Variants in PCDHA1 observed in about 807,000 individuals in gnomAD.
PCDHA1 encodes the protein protocadherin alpha 1, also known as protocadherin alpha-1.
A neutral mutation model predicts 61.3 loss-of-function variants in PCDHA1; 42 were observed. The observed-to-expected ratio is 0.69, with a 90% CI of 0.54 to 0.89. The LOEUF is 0.89. Ranked by LOEUF, PCDHA1 falls within the 40% of genes least tolerant of loss-of-function variation. PCDHA1 has a pLI of 0.00. For synonymous variants in PCDHA1, 610 were observed against 553.8 expected (o/e 1.10, Z -1.43); for missense variants, 1,256 against 1,235.3 (o/e 1.02, Z -0.25).
At chr5:140,850,321 A>G (rs2150479492) in intron 1 of PCDHA1, 1 of 1,597,400 alleles carries the variant, frequency 6.3e-7, no homozygotes, top group Admixed American at 1.7e-5. Context: ...TGGCTTTCAT[A>G]CGAGCTGCAG....
chr5:140,854,198 CT>C, intron 1 of PCDHA1: 1 of 547,978 alleles, frequency 1.8e-6, no homozygotes, highest in Non-Finnish European at 2.3e-6. Flanking sequence ...CTACTCCCTA[CT>C]TTTTATTCAA....
chr5:140,896,227 A>G (rs1332090647), intron 1 of PCDHA1, among the ~76,000 whole-genome samples: 1 of 152,230 alleles, frequency 6.6e-6, no homozygotes, highest in Non-Finnish European at 1.5e-5. Flanking sequence ...TCTTTATAGT[A>G]GAATGACTTA....
intron 1 of PCDHA1, among the ~76,000 whole-genome samples, chr5:140,792,704 T>C (rs1554118831): frequency 6.6e-6 from 1 of 152,226 alleles, no homozygotes; most frequent in African/African-American, 2.4e-5. Flanking sequence ...GCAAGCCATG[T>C]TTCCTGAAGC....
chr5:140,870,078 G>C (rs2051638531), intron 1 of PCDHA1: 1 of 1,613,720 alleles, frequency 6.2e-7, no homozygotes, highest in African/African-American at 1.3e-5. Flanking sequence ...CAGATAAGGG[G>C]ACTCCCCCAA....
intron 1 of PCDHA1, chr5:140,883,811 G>A: frequency 6.2e-7 from 1 of 1,612,586 alleles, no homozygotes; most frequent in African/African-American, 1.3e-5. Context: ...CGCGGAGAGC[G>A]GCAAGGTGTA....
chr5:140,968,257 T>A (rs781932747), intron 1 of PCDHA1: 1 of 1,614,064 alleles, frequency 6.2e-7, no homozygotes, highest in Non-Finnish European at 8.5e-7. Flanking sequence ...CAGACCCAGA[T>A]GAAAAGGAGA....
chr5:140,937,933 A>C (rs1452935525), intron 1 of PCDHA1, among the ~76,000 whole-genome samples: 1 of 151,854 alleles, frequency 6.6e-6, no homozygotes, highest in Non-Finnish European at 1.5e-5. Flanking sequence ...AAAAAGTTTA[A>C]TTTGATAATT....
intron 1 of PCDHA1, chr5:140,850,332 C>T (rs1349532162): frequency 1.3e-6 from 2 of 1,597,432 alleles, no homozygotes; most frequent in Admixed American, 1.7e-5. Context: ...CGAGCTGCAG[C>T]CAGAAACGGC....
At position 140,869,428 on chromosome 5, in the gene PCDHA1, A is replaced by G. The variant is rs781860422; in HGVS notation, c.2394+80744A>G. The G allele has an allele frequency of 9.3e-6, 15 of 1,614,214 alleles. No individual in the cohort carries two copies. In the South Asian group the frequency reaches 1.6e-4, roughly 18 times the overall value. On this transcript the variant is annotated intron_variant, in intron 1 of 3. Transcript: ENST00000504120. The stretch of plus-strand genomic sequence containing the variant: ...GGAGTGCAGCATCCACCTGGAGGTG[A>G]TCGTGGACAGGCCGCTGCAGGTTTT...
At chr5:140,976,143 A>G (rs2096703250) in intron 1 of PCDHA1, among the ~76,000 whole-genome samples, 1 of 152,236 alleles carries the variant, frequency 6.6e-6, no homozygotes, top group South Asian at 2.1e-4. Flanking sequence ...GATGAAACTC[A>G]TGTACATTTT....
rs1347683940 is a variant in PCDHA1 at position 140,847,266 on chromosome 5, A to C, written c.2394+58582A>C. ...CAAAATAAATCACGACTTTTGAAAG[A>C]AGGTTGAACGGGAAGACAAACTCAG... is the stretch of plus-strand genomic sequence containing the variant. On this transcript the variant is annotated intron_variant, in intron 1 of 3. Coordinates refer to ENST00000504120, the MANE Select transcript of PCDHA1 (RefSeq NM_018900.4). Among the ~76,000 whole-genome samples the C allele has an allele frequency of 6.0e-5, 9 of 149,874 alleles. 2 individuals carry two copies. Among genetic ancestry groups the C allele is most frequent in the African/African-American group, 2.2e-4 (9 of 40,946 alleles).
intron 1 of PCDHA1, chr5:140,817,666 T>G (rs1766174084): frequency 1.3e-5 from 2 of 152,210 alleles, no homozygotes; most frequent in Non-Finnish European, 2.9e-5. Context: ...TGCCTTTCAA[T>G]TATTTATATG....
At chr5:140,926,804 C>T (rs1298226109) in intron 1 of PCDHA1, 4 of 1,455,652 alleles carry the variant, frequency 2.7e-6, no homozygotes, top group East Asian at 2.5e-5. Context: ...TGCTCTTCCC[C>T]GCGGCTCGTG....
At position 140,856,102 on chromosome 5, in the gene PCDHA1, TCTC is replaced by T. The variant is rs782690525; in HGVS notation, c.2394+67422_2394+67424del. On this transcript the variant is annotated intron_variant, in intron 1 of 3. Coordinates refer to ENST00000504120, the MANE Select transcript of PCDHA1 (RefSeq NM_018900.4). Reference sequence around the variant, plus strand: ...TCCAGTGTCTGCTGCTCTCGCTTCTTCTCCTCGCAGCCTGGGAGGTGGGGAGCG... The same window carrying T: ...TCCAGTGTCTGCTGCTCTCGCTTCTTCTCGCAGCCTGGGAGGTGGGGAGCG... 5.6e-6 allele frequency: 9 copies of T among 1,597,726 alleles called. 1 individual carries two copies. The South Asian group carries it at 7.7e-5, about 14-fold the overall frequency.
intron 1 of PCDHA1, among the ~76,000 whole-genome samples, chr5:140,914,423 G>T (rs1293093692): frequency 3.3e-5 from 5 of 152,086 alleles, no homozygotes; most frequent in African/African-American, 1.2e-4. Context: ...CCATTAGCAA[G>T]GAATATCTTT....
rs2150297287 is a variant in PCDHA1, at chr5:140,839,391, T to C, written c.2394+50707T>C. Among the ~76,000 whole-genome samples, 80 of 151,830 alleles carry C rather than the reference T, an allele frequency of 5.3e-4. 1 individual carries two copies. The highest frequency in any genetic ancestry group is 1.8e-3 in the African/African-American group (75 of 41,346). On this transcript the variant is annotated intron_variant, in intron 1 of 3. Transcript: ENST00000504120. ...TATTCATCAATTATTATGATGATGATGATGATTATTATTTTTGAGACAGGG... is the reference window on the plus strand; with the variant it reads ...TATTCATCAATTATTATGATGATGACGATGATTATTATTTTTGAGACAGGG...
At chr5:140,899,494 T>C (rs1387191802) in intron 1 of PCDHA1, among the ~76,000 whole-genome samples, 3 of 152,250 alleles carry the variant, frequency 2.0e-5, no homozygotes, top group Admixed American at 2.0e-4. Flanking sequence ...GGATTACATT[T>C]ATTGATTTGC....
chr5:140,872,165 C>CTT (rs781807025), intron 1 of PCDHA1, among the ~76,000 whole-genome samples: 18 of 144,352 alleles, frequency 1.2e-4, no homozygotes, highest in Non-Finnish European at 2.0e-4. Context: ...ATTTACTTTT[C>CTT]TTTTTTTTTT....
chr5:140,828,305 G>A (rs2150153784), intron 1 of PCDHA1: 80 of 1,613,966 alleles, frequency 5.0e-5, no homozygotes, highest in Non-Finnish European at 6.7e-5. Flanking sequence ...CAAAGACCGC[G>A]AGGACCTTCT....
Sources: allele counts gnomAD v4.1 joint callset (sites outside exome capture counted in the v4.1 genomes callset), GRCh38; gene constraint gnomAD v4.1.1; transcripts MANE v1.5; gene names NCBI Gene and HGNC (gene_info 2026-07-23, HGNC 2026-07-21).